C4orf17: variants seen among roughly 807,000 people sequenced by gnomAD.
C4orf17 encodes chromosome 4 open reading frame 17.
Under a neutral mutation model 32.0 loss-of-function variants are expected in C4orf17, and 25 were observed. That is an observed-to-expected ratio of 0.78 (90% CI 0.57 to 1.09). The LOEUF is 1.09. C4orf17 is among the 50% of genes least tolerant of loss of function. C4orf17 has a pLI of 0.00. For missense variants in C4orf17, 420 were observed against 420.0 expected (o/e 1.00, Z 0.00); for synonymous variants, 149 against 145.8 (o/e 1.02, Z -0.16).
At position 99,511,274 on chromosome 4, in the gene C4orf17, T is replaced by A. The variant is rs1723089563; in HGVS notation, c.-94+2T>A. On this transcript the variant is annotated splice_donor_variant, in intron 1 of 8. Coordinates refer to ENST00000326581, the MANE Select transcript of C4orf17 (RefSeq NM_032149.3). LOFTEE classifies it low-confidence loss of function (5UTR_SPLICE). Reference sequence around the variant, plus strand: ...ACCTGCTTTTAATATTGTCCTCAGGTATAATTTTAAATTCATCATTACAAT... The same window carrying A: ...ACCTGCTTTTAATATTGTCCTCAGGAATAATTTTAAATTCATCATTACAAT... 1 of 152,198 alleles carries A rather than the reference T, an allele frequency of 6.6e-6. No individual in the cohort carries two copies. The highest frequency in any genetic ancestry group is 1.5e-5 in the Non-Finnish European group (1 of 68,028). The allele number at this position is 152,198 out of a possible 1,614,324, so 9.4% of individuals were successfully genotyped here.
At chr4:99,523,168 C>T (rs1307499188) in intron 3 of C4orf17, among the ~76,000 whole-genome samples, 1 of 152,120 alleles carries the variant, frequency 6.6e-6, no homozygotes, top group East Asian at 1.9e-4. Flanking sequence ...TCCCCAGGTC[C>T]CAGCACAGTG....
At chr4:99,518,506 AAAAAAAAAAAAAATAT>A (rs1185302465) in intron 2 of C4orf17, among the ~76,000 whole-genome samples, 26 of 70,142 alleles carry the variant, frequency 3.7e-4, no homozygotes, top group African/African-American at 2.2e-3. Flanking sequence ...AAAAAAAAAA[AAAAAAAAAAAAAATAT>A]ATATATATAT....
At chr4:99,515,723 A>C (rs1723169757) in intron 2 of C4orf17, among the ~76,000 whole-genome samples, 2 of 152,200 alleles carry the variant, frequency 1.3e-5, no homozygotes, top group Admixed American at 1.3e-4. Flanking sequence ...AAAAGAACTT[A>C]TCCATGTAAC....
At position 99,539,181 on chromosome 4, in the gene C4orf17, CT is replaced by C; in HGVS notation, c.650del (p.Leu217Ter). ...AAACCAGAAAAAGAGTGGGTCTCAG[CT>C]TTGATTCATTCTGAGCTTGCCGAGA... ...ATSKEKEWVSALIHSELAEIN... is the reference protein window; with the variant it reads ...ATSKEKEWVSXLIHSELAEIN... On this transcript the variant is annotated frameshift_variant, in exon 7 of 9. Transcript: ENST00000326581. LOFTEE classifies it high-confidence loss of function. 1.9e-6 allele frequency: 3 copies of C among 1,614,024 alleles called. No homozygotes were observed. The highest frequency in any genetic ancestry group is 2.5e-6 in the Non-Finnish European group (3 of 1,179,896).
chr4:99,522,247 G>C (rs1399270724), intron 2 of C4orf17, among the ~76,000 whole-genome samples: 1 of 151,986 alleles, frequency 6.6e-6, no homozygotes, highest in African/African-American at 2.4e-5. Flanking sequence ...GATGTGGTCT[G>C]GCCCTGAAGA....
intron 5 of C4orf17, among the ~76,000 whole-genome samples, chr4:99,532,442 C>T (rs1423039430): frequency 6.6e-6 from 1 of 152,052 alleles, no homozygotes; most frequent in African/African-American, 2.4e-5. Context: ...TCAATGAATA[C>T]AGAAACAGAA....
At chr4:99,537,834 C>A in intron 6 of C4orf17, 84 bp downstream of exon 6, 1 of 993,414 alleles carries the variant, frequency 1.0e-6, no homozygotes, top group Non-Finnish European at 1.6e-6. Flanking sequence ...AAGTTTTGTA[C>A]CTTGGATTTG....
chr4:99,534,110 G>A (rs756828020), intron 5 of C4orf17, among the ~76,000 whole-genome samples: 7 of 152,086 alleles, frequency 4.6e-5, no homozygotes, highest in Non-Finnish European at 1.0e-4. Context: ...GCATCCATTA[G>A]CTATTCTTCC....
intron 5 of C4orf17, among the ~76,000 whole-genome samples, chr4:99,536,402 G>A (rs1292685968): frequency 6.6e-6 from 1 of 152,190 alleles, no homozygotes; most frequent in East Asian, 1.9e-4. Flanking sequence ...AGAGCTCTGT[G>A]TGTATGACCC....
chr4:99,532,248 C>G (rs534353342), intron 5 of C4orf17, among the ~76,000 whole-genome samples: 1 of 152,194 alleles, frequency 6.6e-6, no homozygotes, highest in African/African-American at 2.4e-5. Context: ...GACACCCGCA[C>G]TGGCATGTTT....
intron 2 of C4orf17, 22 bp from the exon 3 acceptor site, chr4:99,522,478 T>G (rs763278445): frequency 5.7e-6 from 9 of 1,591,024 alleles, no homozygotes; most frequent in Non-Finnish European, 6.9e-6. Context: ...TCTGTCTCTT[T>G]TTTTAATCTT....
chr4:99,529,152 G>A (rs1341781354), intron 4 of C4orf17, among the ~76,000 whole-genome samples: 1 of 152,124 alleles, frequency 6.6e-6, no homozygotes, highest in Non-Finnish European at 1.5e-5. Flanking sequence ...TAAGTTCTAT[G>A]TGTTGTTATA....
chr4:99,540,495 G>A (rs772209358), intron 8 of C4orf17, 40 bp downstream of exon 8: 3 of 1,396,076 alleles, frequency 2.1e-6, no homozygotes, highest in South Asian at 2.4e-5. Flanking sequence ...TTGGTATAAA[G>A]AAACCAGTAA....
At chr4:99,523,539 A>G (rs1723332870) in intron 3 of C4orf17, among the ~76,000 whole-genome samples, 1 of 152,206 alleles carries the variant, frequency 6.6e-6, no homozygotes, top group Non-Finnish European at 1.5e-5. Context: ...CTAGCAATGA[A>G]GAGTCAAAGC....
intron 1 of C4orf17, among the ~76,000 whole-genome samples, chr4:99,512,025 C>T (rs1723101216): frequency 6.6e-6 from 1 of 152,058 alleles, no homozygotes; most frequent in Admixed American, 6.6e-5. Flanking sequence ...AACACTTAAA[C>T]ATAGATTGCT....
chr4:99,537,881 C>A (rs1405197272), intron 6 of C4orf17, 131 bp downstream of exon 6: 1 of 708,076 alleles, frequency 1.4e-6, no homozygotes. Flanking sequence ...CGCAATGTTT[C>A]AGTATCAGGG....
At chr4:99,523,666 G>A (rs1203125353) in intron 3 of C4orf17, among the ~76,000 whole-genome samples, 2 of 152,074 alleles carry the variant, frequency 1.3e-5, no homozygotes, top group East Asian at 3.9e-4. Context: ...CACCTAATAA[G>A]ATTTCTATAG....
intron 2 of C4orf17, among the ~76,000 whole-genome samples, chr4:99,514,650 G>A (rs1338794557): frequency 1.3e-5 from 2 of 152,130 alleles, no homozygotes; most frequent in African/African-American, 4.8e-5. Context: ...TTACACTTAT[G>A]GTAGAAGTGT....
intron 2 of C4orf17, among the ~76,000 whole-genome samples, chr4:99,514,408 G>GAA (rs143799033): frequency 2.7e-4 from 41 of 151,574 alleles, no homozygotes; most frequent in African/African-American, 9.0e-4. Context: ...AAATCAGCAA[G>GAA]AAAAAAACAA....
Sources: allele counts gnomAD v4.1 joint callset (sites outside exome capture counted in the v4.1 genomes callset), GRCh38; gene constraint gnomAD v4.1.1; transcripts MANE v1.5; gene names NCBI Gene and HGNC (gene_info 2026-07-23, HGNC 2026-07-21).